The following ETFDH variants were observed in gnomAD, a reference collection of about 807,000 sequenced individuals.
The protein encoded by ETFDH is electron transfer flavoprotein dehydrogenase.
In ETFDH, 61 loss-of-function variants were observed where a neutral mutation model predicts 73.2. That is an observed-to-expected ratio of 0.83 (90% confidence interval 0.68 to 1.03). The LOEUF (loss-of-function observed/expected upper bound fraction) is 1.03, where lower values mean the gene tolerates loss of function less well. Among genes scored for constraint, ETFDH ranks in the 50% least tolerant of loss-of-function variants. ETFDH has a pLI of 0.00. For synonymous variants in ETFDH, 243 were observed against 253.3 expected (o/e 0.96, Z 0.39); for missense variants, 685 against 745.0 (o/e 0.92, Z 0.94).
intron 1 of ETFDH, among the ~76,000 whole-genome samples, chr4:158,679,136 A>G (rs1773782084): frequency 6.6e-6 from 1 of 151,988 alleles, no homozygotes; most frequent in Admixed American, 6.6e-5. Context: ...CCATATACCT[A>G]TGTGTATTCT....
At chr4:158,696,506 T>TA (rs545421540) in intron 7 of ETFDH, among the ~76,000 whole-genome samples, 1,776 of 144,226 alleles carry the variant, frequency 0.012, 27 homozygotes, top group African/African-American at 0.039. Context: ...ATCCTATCTC[T>TA]AAAAAAAAAA....
intron 10 of ETFDH, among the ~76,000 whole-genome samples, chr4:158,703,874 A>G (rs1280586289): frequency 6.6e-6 from 1 of 152,176 alleles, no homozygotes; most frequent in African/African-American, 2.4e-5. Context: ...AGGCGGGTGG[A>G]TCATCTGAAG....
intron 6 of ETFDH, among the ~76,000 whole-genome samples, chr4:158,693,758 CTTAATATATAAAAG>C (rs933609832): frequency 1.3e-5 from 2 of 152,150 alleles, no homozygotes; most frequent in Non-Finnish European, 2.9e-5. Flanking sequence ...CCTTTTTTAA[CTTAATATATAAAAG>C]TTAAACACTT....
intron 7 of ETFDH, 84 bp from the exon 8 acceptor site, chr4:158,697,475 C>A: frequency 8.8e-7 from 1 of 1,140,128 alleles, no homozygotes; most frequent in Non-Finnish European, 1.3e-6. Flanking sequence ...AGACATTAAA[C>A]CTGGCAAGTT....
At chr4:158,697,491 C>T in intron 7 of ETFDH, 68 bp from the exon 8 acceptor site, 1 of 1,314,254 alleles carries the variant, frequency 7.6e-7, no homozygotes, top group Non-Finnish European at 1.1e-6. Context: ...AAGTTTTATG[C>T]ATTGTGGTGA....
intron 6 of ETFDH, among the ~76,000 whole-genome samples, chr4:158,695,110 T>C (rs1774275373): frequency 6.6e-6 from 1 of 152,224 alleles, no homozygotes; most frequent in Non-Finnish European, 1.5e-5. Flanking sequence ...AAGGGTCAGC[T>C]CTATATTAAA....
At chr4:158,674,059 G>C (rs965151447) in intron 1 of ETFDH, among the ~76,000 whole-genome samples, 3 of 152,132 alleles carry the variant, frequency 2.0e-5, no homozygotes, top group Non-Finnish European at 4.4e-5. Flanking sequence ...AAGAAAATCA[G>C]TAGCTATACA....
At position 158,706,175 on chromosome 4, in the gene ETFDH, GT is replaced by G; in HGVS notation, c.1286-9del. On this transcript the variant is annotated splice_polypyrimidine_tract_variant and intron_variant, in intron 10 of 12. Coordinates refer to ENST00000511912, the MANE Select transcript of ETFDH (RefSeq NM_004453.4). ...GGCAGTTTCGCACTTAACATTTCAT[GT>G]TTTTAATAAAAGGACTCCATGTAAC... 1 of 1,584,236 alleles carries G rather than the reference GT, an allele frequency of 6.3e-7. No individual in the cohort carries two copies. The highest frequency in any genetic ancestry group is 8.7e-7 in the Non-Finnish European group (1 of 1,152,792).
intron 10 of ETFDH, 123 bp downstream of exon 10, chr4:158,703,714 A>G (rs1774528778): frequency 3.0e-6 from 2 of 675,360 alleles, no homozygotes; most frequent in Non-Finnish European, 5.3e-6. Context: ...CATGCTATGC[A>G]AAGAAAACTA....
In ETFDH at chr4:158,680,626, A is replaced by G. The variant is rs144283843; in HGVS notation, c.175+19A>G. The G allele has an allele frequency of 1.4e-5, 23 of 1,598,256 alleles. No homozygotes were observed. In the African/African-American group the frequency reaches 2.4e-4, roughly 17 times the overall value. ...TGGGAAGGTAAGTAATAATTTGTGT[A>G]CAATTCCTGAGACTTTTCTGGATAC... is the stretch of plus-strand genomic sequence containing the variant. On this transcript the variant is annotated intron_variant, in intron 2 of 12. Transcript: ENST00000511912.
intron 6 of ETFDH, 95 bp downstream of exon 6, chr4:158,690,520 G>A: frequency 3.6e-6 from 3 of 843,674 alleles, no homozygotes; most frequent in South Asian, 1.3e-5. Flanking sequence ...TCCAAAAAAA[G>A]AAAACAAAAT....
At chr4:158,672,737 G>T (rs770378421) in intron 1 of ETFDH, among the ~76,000 whole-genome samples, 16 of 151,970 alleles carry the variant, frequency 1.1e-4, no homozygotes, top group Non-Finnish European at 1.8e-4. Flanking sequence ...CACGCCCTCG[G>T]CATCACCACC....
rs1055146119 is a variant in ETFDH at position 158,674,365 on chromosome 4, A to G, written c.34+1875A>G. 7.9e-5 allele frequency among the ~76,000 whole-genome samples: 12 copies of G among 152,092 alleles called. No homozygotes were observed. The South Asian group carries it at 2.5e-3, about 32-fold the overall frequency. Reference sequence around the variant, plus strand: ...CTGTTGACCAGGCTGGAGGGCAGTGATGTAATCTCAGCTCACTGCAACCTC... The same window carrying G: ...CTGTTGACCAGGCTGGAGGGCAGTGGTGTAATCTCAGCTCACTGCAACCTC... On this transcript the variant is annotated intron_variant, in intron 1 of 12. Coordinates refer to ENST00000511912, the MANE Select transcript of ETFDH (RefSeq NM_004453.4).
In ETFDH at chr4:158,708,264, C is replaced by A. The variant is rs1036276812; in HGVS notation, c.1691-100C>A. The A allele has an allele frequency of 4.2e-5, 36 of 850,182 alleles. No individual in the cohort carries two copies. The African/African-American group carries it at 6.0e-4, about 14-fold the overall frequency. 52.7% of individuals were successfully genotyped at this position (850,182 alleles called of 1,614,324 possible). ...TATGGGTAAGCATTCAGAAAGCAAC[C>A]TTTAAGGTTTCTGTGGCTACTCTTT... On this transcript the variant is annotated intron_variant, in intron 12 of 12. Transcript: ENST00000511912.
At position 158,706,619 on chromosome 4, in the gene ETFDH, ATTG is replaced by A. The variant is rs773752784; in HGVS notation, c.1469-6_1469-4del. 3.1e-6 allele frequency: 5 copies of A among 1,607,374 alleles called. No individual in the cohort carries two copies. The highest frequency in any genetic ancestry group is 1.3e-5 in the African/African-American group (1 of 74,782). On this transcript the variant is annotated splice_region_variant and splice_polypyrimidine_tract_variant and intron_variant, in intron 11 of 12. Coordinates refer to ENST00000511912, the MANE Select transcript of ETFDH (RefSeq NM_004453.4). ...TATTTTGTTAAGCATTTCCCTCAAAATTGTTGAAGGTTCTGACTTTGAACGGCT... is the reference window on the plus strand; with the variant it reads ...TATTTTGTTAAGCATTTCCCTCAAAATTGAAGGTTCTGACTTTGAACGGCT...
In ETFDH at chr4:158,672,414, GTCC is replaced by G. The variant is rs765693695; in HGVS notation, c.-38_-36del. The G allele has an allele frequency of 1.8e-5, 29 of 1,611,728 alleles. No homozygotes were observed. In the Middle Eastern group the frequency reaches 5.0e-4, roughly 28 times the overall value. ...CAGCGCCCGCCGCGAGCAGCGGACAGTCCTCCTGTTGTGTCCGACCGAGAGTCC... is the reference window on the plus strand; with the variant it reads ...CAGCGCCCGCCGCGAGCAGCGGACAGTCCTGTTGTGTCCGACCGAGAGTCC... On this transcript the variant is annotated 5_prime_UTR_variant, in exon 1 of 13. Coordinates refer to ENST00000511912, the MANE Select transcript of ETFDH (RefSeq NM_004453.4).
At chr4:158,688,158 C>T (rs939727119) in intron 5 of ETFDH, among the ~76,000 whole-genome samples, 1 of 152,116 alleles carries the variant, frequency 6.6e-6, no homozygotes, top group Non-Finnish European at 1.5e-5. Context: ...CTTTGGGAGG[C>T]CCAGGTGGGC....
Position 158,682,420 on chromosome 4 carries a change from A to AG in ETFDH, c.405+1dup. 1 of 1,612,262 alleles carries AG rather than the reference A, an allele frequency of 6.2e-7. No homozygotes were observed. The highest frequency in any genetic ancestry group is 8.5e-7 in the Non-Finnish European group (1 of 1,178,300). ...GAACTCTTCCCAGACTGGAAAGAGA[A>AG]GGGGGTATGAAAAATTGTTTTTTAT... is the stretch of plus-strand genomic sequence containing the variant. On this transcript the variant is annotated frameshift_variant, in exon 3 of 13. Coordinates refer to ENST00000511912, the MANE Select transcript of ETFDH (RefSeq NM_004453.4). LOFTEE classifies it high-confidence loss of function.
intron 3 of ETFDH, 120 bp downstream of exon 3, chr4:158,682,544 T>C (rs1237555795): frequency 7.5e-6 from 6 of 802,434 alleles, no homozygotes; most frequent in South Asian, 7.0e-5. Context: ...TTTTTTTTTC[T>C]TTTTTTGAGA....
Sources: gnomAD v4.1 joint callset for allele counts (sites outside exome capture counted in the v4.1 genomes callset) on GRCh38, gnomAD v4.1.1 for gene constraint, MANE v1.5 for transcripts, NCBI Gene and HGNC (gene_info 2026-07-23, HGNC 2026-07-21) for gene names.